NEGR1: variants seen among roughly 807,000 people sequenced by gnomAD.
NEGR1 encodes the protein neuronal growth regulator 1.
Under a neutral mutation model 40.9 loss-of-function variants are expected in NEGR1, and 10 were observed. The observed-to-expected ratio is 0.24, with a 90% CI of 0.15 to 0.42. The LOEUF is 0.42. NEGR1 is among the 10% of genes least tolerant of loss of function. The pLI, the probability that NEGR1 is intolerant of heterozygous loss-of-function variation, is 1.00. For synonymous variants in NEGR1, 185 were observed against 166.8 expected, an observed-to-expected ratio of 1.11 and a Z score of -0.84; for missense variants, 352 against 438.9, an observed-to-expected ratio of 0.80 and a Z score of 1.77.
At chr1:71,771,723 G>A (rs1288656211) in intron 3 of NEGR1, among the ~76,000 whole-genome samples, 45 of 30,244 alleles carry the variant, frequency 1.5e-3, no homozygotes, top group East Asian at 9.8e-3. Flanking sequence ...AAAAAAAAAA[G>A]GTGTGAATCC....
intron 4 of NEGR1, among the ~76,000 whole-genome samples, chr1:71,670,793 A>G (rs1381900997): frequency 1.3e-5 from 2 of 151,940 alleles, no homozygotes; most frequent in African/African-American, 4.8e-5. Context: ...TGGCCCATAG[A>G]TATGTCTCTC....
intron 3 of NEGR1, among the ~76,000 whole-genome samples, chr1:71,705,333 G>A (rs1458088302): frequency 6.6e-6 from 1 of 152,094 alleles, no homozygotes; most frequent in Non-Finnish European, 1.5e-5. Flanking sequence ...GTGACTCTGG[G>A]TTGAGCTAAA....
chr1:71,938,148 T>C lies in NEGR1; in HGVS notation c.177-2837A>G, dbSNP rs111919045. Among the ~76,000 whole-genome samples, 896 of 152,256 alleles carry C rather than the reference T, an allele frequency of 5.9e-3. 9 individuals are homozygous for C. Among genetic ancestry groups the C allele is most frequent in the African/African-American group, 0.021 (864 of 41,550 alleles). On this transcript the variant is annotated intron_variant, in intron 1 of 6. Coordinates refer to ENST00000357731, the MANE Select transcript of NEGR1 (RefSeq NM_173808.3). ...AATGACAATCAGAAAAAAAAATATT[T>C]TCCTTTTGGAAATTTTGCTGAATTT...
At chr1:71,869,657 T>C (rs1383525937) in intron 2 of NEGR1, among the ~76,000 whole-genome samples, 1 of 152,076 alleles carries the variant, frequency 6.6e-6, no homozygotes, top group Non-Finnish European at 1.5e-5. Context: ...CCAAACAATA[T>C]TTGTATAGAT....
intron 1 of NEGR1, among the ~76,000 whole-genome samples, chr1:72,250,257 C>A (rs551808491): frequency 1.3e-5 from 2 of 152,158 alleles, no homozygotes; most frequent in East Asian, 3.9e-4. Context: ...TCTTCTCTCC[C>A]TTCCCAACAG....
At chr1:72,018,148 G>T (rs1646728245) in intron 1 of NEGR1, among the ~76,000 whole-genome samples, 1 of 152,052 alleles carries the variant, frequency 6.6e-6, no homozygotes, top group Admixed American at 6.6e-5. Flanking sequence ...AATATCGATG[G>T]TTCATATTTG....
intron 1 of NEGR1, among the ~76,000 whole-genome samples, chr1:72,133,682 A>G (rs1380398139): frequency 2.0e-5 from 3 of 151,816 alleles, no homozygotes; most frequent in Non-Finnish European, 4.4e-5. Context: ...TTTTAGGTAA[A>G]AACTGAAAAT....
chr1:71,813,735 GTCTAT>G (rs1414312084), intron 2 of NEGR1, among the ~76,000 whole-genome samples: 2 of 151,936 alleles, frequency 1.3e-5, no homozygotes, highest in Non-Finnish European at 2.9e-5. Flanking sequence ...CTTTCTGCTT[GTCTAT>G]TATTGGTGTA....
At chr1:72,181,069 G>A (rs1326026777) in intron 1 of NEGR1, among the ~76,000 whole-genome samples, 1 of 152,132 alleles carries the variant, frequency 6.6e-6, no homozygotes, top group Non-Finnish European at 1.5e-5. Context: ...TGAAGAGGAG[G>A]AAGGACAGTG....
At chr1:71,767,508 A>G (rs1400285977) in intron 3 of NEGR1, among the ~76,000 whole-genome samples, 5 of 152,148 alleles carry the variant, frequency 3.3e-5, no homozygotes, top group African/African-American at 1.2e-4. Flanking sequence ...ATATGCTCCT[A>G]TGTGTGGGCA....
chr1:71,693,441 A>T (rs1430062631), intron 4 of NEGR1, among the ~76,000 whole-genome samples: 1 of 151,718 alleles, frequency 6.6e-6, no homozygotes, highest in African/African-American at 2.4e-5. Flanking sequence ...TAACAGGAAC[A>T]CATCAGTACA....
At chr1:71,671,349 A>G (rs1228903479) in intron 4 of NEGR1, among the ~76,000 whole-genome samples, 2 of 152,166 alleles carry the variant, frequency 1.3e-5, no homozygotes, top group Admixed American at 1.3e-4. Flanking sequence ...TGCCCTTAGT[A>G]AACATCATCT....
At chr1:72,077,912 G>A (rs1379175978) in intron 1 of NEGR1, among the ~76,000 whole-genome samples, 1 of 152,028 alleles carries the variant, frequency 6.6e-6, no homozygotes, top group Admixed American at 6.6e-5. Flanking sequence ...CTAGAAATTA[G>A]GATAAAGCAT....
At chr1:71,748,990 A>T (rs1427177086) in intron 3 of NEGR1, among the ~76,000 whole-genome samples, 1 of 152,156 alleles carries the variant, frequency 6.6e-6, no homozygotes, top group Non-Finnish European at 1.5e-5. Flanking sequence ...ATCAAATAAG[A>T]TCATAGTATT....
chr1:71,597,575 T>C (rs1410336539), intron 5 of NEGR1, among the ~76,000 whole-genome samples: 2 of 151,368 alleles, frequency 1.3e-5, no homozygotes, highest in Admixed American at 1.3e-4. Context: ...TGGGACATTT[T>C]ATCTGTTCTC....
chr1:72,156,939 G>GTTT (rs1553146445), intron 1 of NEGR1, among the ~76,000 whole-genome samples: 1 of 56,860 alleles, frequency 1.8e-5, no homozygotes, highest in East Asian at 1.0e-3. Flanking sequence ...GCTTGTATGT[G>GTTT]TTTTGTTGTT....
chr1:71,905,466 T>G lies in NEGR1; in HGVS notation c.409+29613A>C, dbSNP rs565958. Among the ~76,000 whole-genome samples, 593 of 152,144 alleles carry G rather than the reference T, an allele frequency of 3.9e-3. 3 individuals are homozygous for G. The highest frequency in any genetic ancestry group is 0.014 in the African/African-American group (570 of 41,562). The stretch of plus-strand genomic sequence containing the variant: ...TCTATTCACATCAAGAAAATCATTA[T>G]GTGGTTGGAATTTTCCTCTTCTACA... On this transcript the variant is annotated intron_variant, in intron 2 of 6. Transcript: ENST00000357731.
intron 6 of NEGR1, among the ~76,000 whole-genome samples, chr1:71,456,471 A>T (rs1646767771): frequency 6.6e-6 from 1 of 152,188 alleles, no homozygotes; most frequent in Admixed American, 6.6e-5. Context: ...CTTTATTCAT[A>T]GCACTGGTAG....
intron 1 of NEGR1, among the ~76,000 whole-genome samples, chr1:72,169,632 T>C (rs1651890538): frequency 3.3e-5 from 5 of 152,206 alleles, no homozygotes; most frequent in Admixed American, 2.6e-4. Context: ...AATGGTTCTC[T>C]TTATGCAAAT....
Sources: allele counts gnomAD v4.1 joint callset (sites outside exome capture counted in the v4.1 genomes callset), GRCh38; gene constraint gnomAD v4.1.1; transcripts MANE v1.5; gene names NCBI Gene and HGNC (gene_info 2026-07-23, HGNC 2026-07-21).